Variants in INPP4B observed in about 807,000 individuals in gnomAD.
INPP4B encodes the protein inositol polyphosphate-4-phosphatase type II B, also known as inositol polyphosphate 4-phosphatase type II.
Under a neutral mutation model 122.5 loss-of-function variants are expected in INPP4B, and 55 were observed. The ratio of observed to expected loss-of-function variants is 0.45; its 90% CI spans 0.36 to 0.56. The LOEUF is 0.56. Among genes scored for constraint, INPP4B ranks in the 20% least tolerant of loss-of-function variants. The pLI, the probability that INPP4B is intolerant of heterozygous loss-of-function variation, is 0.00. For synonymous variants in INPP4B, 403 were observed against 388.7 expected, an observed-to-expected ratio of 1.04 and a Z score of -0.43; for missense variants, 1,000 against 1,097.7, an observed-to-expected ratio of 0.91 and a Z score of 1.26.
chr4:142,624,315 C>A (rs1280164365), intron 2 of INPP4B, among the ~76,000 whole-genome samples: 1 of 151,474 alleles, frequency 6.6e-6, no homozygotes, highest in Non-Finnish European at 1.5e-5. Context: ...TCTCTGATGG[C>A]CAGTGATGGT....
At chr4:142,738,765 G>T (rs953241818) in intron 1 of INPP4B, among the ~76,000 whole-genome samples, 1 of 152,126 alleles carries the variant, frequency 6.6e-6, no homozygotes, top group African/African-American at 2.4e-5. Flanking sequence ...TTTAGCTCCA[G>T]TGTGTAGCCT....
At chr4:142,505,542 A>G (rs1823918055) in intron 2 of INPP4B, among the ~76,000 whole-genome samples, 1 of 148,392 alleles carries the variant, frequency 6.7e-6, no homozygotes, top group Non-Finnish European at 1.5e-5. Flanking sequence ...ACGAAGTAAG[A>G]TTGTGAAAAT....
At chr4:142,707,855 G>A (rs1299269017) in intron 2 of INPP4B, among the ~76,000 whole-genome samples, 3 of 152,232 alleles carry the variant, frequency 2.0e-5, no homozygotes, top group African/African-American at 7.2e-5. Context: ...AGGGACACAG[G>A]TTGGAACAGT....
At chr4:142,030,160 T>TTAAAA in intron 25 of INPP4B, 1 of 1,535,326 alleles carries the variant, frequency 6.5e-7, no homozygotes, top group Non-Finnish European at 8.7e-7. Flanking sequence ...AACGCCAGAC[T>TTAAAA]TAAAATAAGC....
At chr4:142,297,420 T>C (rs1334473818) in intron 9 of INPP4B, among the ~76,000 whole-genome samples, 2 of 152,208 alleles carry the variant, frequency 1.3e-5, no homozygotes, top group Admixed American at 1.3e-4. Flanking sequence ...AGGCAGGGCC[T>C]GGTGGGAGGT....
intron 7 of INPP4B, among the ~76,000 whole-genome samples, chr4:142,390,035 T>C (rs1306620102): frequency 6.6e-6 from 1 of 152,164 alleles, no homozygotes; most frequent in Non-Finnish European, 1.5e-5. Flanking sequence ...AATTGAACAT[T>C]GGAATAAAAA....
chr4:142,309,119 C>T (rs143884496), intron 8 of INPP4B, among the ~76,000 whole-genome samples: 3 of 152,096 alleles, frequency 2.0e-5, no homozygotes, highest in African/African-American at 7.2e-5. Context: ...AAGAAAGCAT[C>T]TAGCCAGGAA....
chr4:142,284,993 A>G (rs1752862374), intron 9 of INPP4B, among the ~76,000 whole-genome samples: 1 of 151,992 alleles, frequency 6.6e-6, no homozygotes, highest in African/African-American at 2.4e-5. Context: ...TCGTTTTGTG[A>G]TTTCTCAGTG....
At chr4:142,049,468 G>A (rs776467173) in intron 25 of INPP4B, among the ~76,000 whole-genome samples, 2 of 151,924 alleles carry the variant, frequency 1.3e-5, no homozygotes, top group Non-Finnish European at 2.9e-5. Context: ...CCTTAAAGAG[G>A]TCTATTTATG....
At position 142,404,804 on chromosome 4, in the gene INPP4B, C is replaced by CT. The variant is rs533872720; in HGVS notation, c.255+401dup. Among the ~76,000 whole-genome samples the CT allele has an allele frequency of 8.1e-4, 123 of 151,804 alleles. 1 individual carries two copies. The highest frequency in any genetic ancestry group is 2.5e-3 in the African/African-American group (103 of 41,398). ...ATTTCTCTGGGTACTGTACAACTTTCTTTTTTTTCCTCAAAATAAATATTT... is the reference window on the plus strand; with the variant it reads ...ATTTCTCTGGGTACTGTACAACTTTCTTTTTTTTTCCTCAAAATAAATATTT... On this transcript the variant is annotated intron_variant, in intron 6 of 25. Coordinates refer to ENST00000262992, the MANE Select transcript of INPP4B (RefSeq NM_001101669.3).
intron 7 of INPP4B, among the ~76,000 whole-genome samples, chr4:142,392,852 AC>A (rs2149014593): frequency 6.6e-6 from 1 of 152,358 alleles, no homozygotes; most frequent in East Asian, 1.9e-4. Flanking sequence ...CAGGGAATTA[AC>A]AAAAAGACCA....
intron 2 of INPP4B, among the ~76,000 whole-genome samples, chr4:142,619,357 A>C (rs1744391835): frequency 6.6e-6 from 1 of 152,050 alleles, no homozygotes; most frequent in Admixed American, 6.6e-5. Context: ...TGACAGATGA[A>C]GGGACAAAGA....
At chr4:142,147,544 A>T (rs1811443995) in intron 17 of INPP4B, among the ~76,000 whole-genome samples, 1 of 152,176 alleles carries the variant, frequency 6.6e-6, no homozygotes. Context: ...TCTCAGTTGG[A>T]ATGATAATTC....
chr4:142,627,322 T>C (rs1443081069), intron 2 of INPP4B, among the ~76,000 whole-genome samples: 1 of 150,260 alleles, frequency 6.7e-6, no homozygotes, highest in Non-Finnish European at 1.5e-5. Context: ...GGCATCCCTG[T>C]CTTATGCCAG....
intron 18 of INPP4B, among the ~76,000 whole-genome samples, chr4:142,138,145 A>G (rs1359123576): frequency 2.0e-5 from 3 of 151,704 alleles, no homozygotes; most frequent in Non-Finnish European, 4.4e-5. Context: ...CCAAATGTCC[A>G]ACAATGATAG....
chr4:142,804,464 C>T (rs1778422121), intron 1 of INPP4B, among the ~76,000 whole-genome samples: 1 of 152,176 alleles, frequency 6.6e-6, no homozygotes, highest in Non-Finnish European at 1.5e-5. Flanking sequence ...ACTTCATCTC[C>T]TCCTTCATTG....
chr4:142,317,362 G>T, intron 7 of INPP4B: 1 of 338,314 alleles, frequency 3.0e-6, no homozygotes, highest in South Asian at 2.9e-5. Context: ...CTTCAAGGCA[G>T]ATTACATGCT....
intron 3 of INPP4B, among the ~76,000 whole-genome samples, chr4:142,437,750 C>T (rs1004039517): frequency 1.3e-5 from 2 of 152,166 alleles, no homozygotes; most frequent in African/African-American, 4.8e-5. Context: ...ATAAACACCT[C>T]TATGCAAATA....
intron 12 of INPP4B, among the ~76,000 whole-genome samples, chr4:142,217,835 T>A (rs926332833): frequency 6.6e-6 from 1 of 151,110 alleles, no homozygotes; most frequent in Admixed American, 6.6e-5. Context: ...AGACTGACAC[T>A]TCCCCCAAGT....
Sources: gnomAD v4.1 joint callset for allele counts (sites outside exome capture counted in the v4.1 genomes callset) on GRCh38, gnomAD v4.1.1 for gene constraint, MANE v1.5 for transcripts, NCBI Gene and HGNC (gene_info 2026-07-23, HGNC 2026-07-21) for gene names.